Variants in ZNF808 observed in about 807,000 individuals in gnomAD.
The protein encoded by ZNF808 is zinc finger protein 808.
Under a neutral mutation model 8.7 loss-of-function variants are expected in ZNF808, and 5 were observed. The observed-to-expected ratio is 0.58, with a 90% CI of 0.30 to 1.21. The LOEUF (loss-of-function observed/expected upper bound fraction) is 1.21. Ranked by LOEUF, ZNF808 falls within the 50% of genes most tolerant of loss-of-function variation. The pLI is 0.07. For missense variants in ZNF808, 1,103 were observed against 1,098.4 expected (o/e 1.00, Z -0.06); for synonymous variants, 380 against 366.0 (o/e 1.04, Z -0.44).
At chr19:52,531,854 C>T (rs1223227609) in intron 1 of ZNF808, among the ~76,000 whole-genome samples, 1 of 151,980 alleles carries the variant, frequency 6.6e-6, no homozygotes, top group African/African-American at 2.4e-5. Flanking sequence ...GTAATTGCAC[C>T]CTCTGACACT....
At chr19:52,566,604 T>G (rs1342065657), downstream of ZNF808, among the ~76,000 whole-genome samples, 1 of 152,186 alleles carries the variant, frequency 6.6e-6, no homozygotes, top group Non-Finnish European at 1.5e-5. Flanking sequence ...ATTACTATGT[T>G]CTTGGGGCAG....
intron 3 of ZNF808, among the ~76,000 whole-genome samples, chr19:52,561,922 A>G (rs1328920230): frequency 1.3e-5 from 2 of 152,134 alleles, no homozygotes; most frequent in Non-Finnish European, 2.9e-5. Context: ...CAGGCTCTAA[A>G]CTTCCTTTGT....
downstream of ZNF808, among the ~76,000 whole-genome samples, chr19:52,560,290 C>T (rs1394984936): frequency 1.3e-5 from 2 of 151,304 alleles, no homozygotes; most frequent in African/African-American, 4.9e-5. Flanking sequence ...TGTGCCACTG[C>T]ACTCCTGCCT....
intron 2 of ZNF808, among the ~76,000 whole-genome samples, chr19:52,542,437 C>T (rs918967828): frequency 4.6e-5 from 7 of 152,158 alleles, no homozygotes; most frequent in African/African-American, 1.7e-4. Context: ...AGCTGTCCCT[C>T]TCTCTAGGAT....
intron 4 of ZNF808, 99 bp downstream of exon 4, chr19:52,547,737 T>TG (rs200633441): frequency 0.024 from 30,631 of 1,263,802 alleles, 65 homozygotes; most frequent in Non-Finnish European, 0.027. Flanking sequence ...CCATCCATGC[T>TG]GGTTTTTTTT....
In ZNF808 at chr19:52,555,343, T is replaced by G; in HGVS notation, c.2427T>G (p.His809Gln). The G allele has an allele frequency of 6.2e-7, 1 of 1,614,178 alleles. No individual in the cohort carries two copies. Among genetic ancestry groups the G allele is most frequent in the Non-Finnish European group, 8.5e-7 (1 of 1,179,996 alleles). ...TGCGTAATTCATACCTGGCAAGACA[T>G]ATTAGAATTCACACTGCAGAGAAAC... is the stretch of plus-strand genomic sequence containing the variant. ...AFVRNSYLAR[H>Q]IRIHTAEKPY... The change falls in exon 5 of 5, where the codon CAT becomes CAG. Residue 809 changes from histidine (H) to glutamine (Q), a missense_variant. Transcript: ENST00000359798.
At chr19:52,529,909 ATATT>A (rs113963458) in intron 1 of ZNF808, among the ~76,000 whole-genome samples, 9,594 of 134,040 alleles carry the variant, frequency 0.072, 332 homozygotes, top group African/African-American at 0.13. Flanking sequence ...ATATATATAT[ATATT>A]TTTTTTTTTT....
In ZNF808 at chr19:52,539,926, C is replaced by T. The variant is rs1368295493; in HGVS notation, c.-19-3340C>T. ...GTGGCAGGATCACAGCACTGTGCAG[C>T]GGCAACCTCCTGGGCTCAAGTGATT... On this transcript the variant is annotated intron_variant, in intron 2 of 4. Transcript: ENST00000359798. Among the ~76,000 whole-genome samples, 4 of 151,970 alleles carry T rather than the reference C, an allele frequency of 2.6e-5. No individual in the cohort carries two copies. The East Asian group carries it at 5.8e-4, about 22-fold the overall frequency.
In ZNF808 at chr19:52,553,429, G is replaced by C. The variant is rs767985475; in HGVS notation, c.513G>C (p.Gln171His). ...YSHLPELHIF[Q>H]IKGEIANQLE... ...ATCTGCCTGAACTCCACATATTTCAGATCAAAGGTGAAATTGCTAATCAAC... is the reference window on the plus strand; with the variant it reads ...ATCTGCCTGAACTCCACATATTTCACATCAAAGGTGAAATTGCTAATCAAC... The change falls in exon 5 of 5, where the codon CAG (glutamine) becomes CAC (histidine). Residue 171 changes from glutamine to histidine, a missense_variant. Transcript: ENST00000359798. 9 of 1,614,048 alleles carry C rather than the reference G, an allele frequency of 5.6e-6. No homozygotes were observed. The highest frequency in any genetic ancestry group is 5.3e-5 in the African/African-American group (4 of 74,918).
At chr19:52,539,562 T>TG (rs2059649891) in intron 2 of ZNF808, among the ~76,000 whole-genome samples, 1 of 142,400 alleles carries the variant, frequency 7.0e-6, no homozygotes, top group African/African-American at 2.6e-5. Context: ...TTTTTTTTTT[T>TG]TTTTTTTTTT....
chr19:52,548,982 G>GT (rs916299666), intron 4 of ZNF808, among the ~76,000 whole-genome samples: 12 of 150,994 alleles, frequency 7.9e-5, no homozygotes, highest in South Asian at 2.1e-4. Flanking sequence ...TTTTGTTTCT[G>GT]TTTTTTTTAA....
downstream of ZNF808, among the ~76,000 whole-genome samples, chr19:52,566,268 G>A (rs528279315): frequency 3.3e-5 from 5 of 151,922 alleles, no homozygotes; most frequent in South Asian, 6.2e-4. Context: ...CAGGTACTAC[G>A]GATTCTCCTG....
intron 2 of ZNF808, among the ~76,000 whole-genome samples, chr19:52,535,132 C>T (rs145897842): frequency 3.2e-3 from 479 of 151,032 alleles, no homozygotes; most frequent in Non-Finnish European, 5.6e-3. Flanking sequence ...GAGATCAAGA[C>T]CATCCTGGCT....
At chr19:52,553,010 T>C (rs1366302338) in intron 4 of ZNF808, 97 bp from the exon 5 acceptor site, 2 of 1,409,334 alleles carry the variant, frequency 1.4e-6, no homozygotes, top group Non-Finnish European at 1.9e-6. Context: ...TTTGGGAATT[T>C]CAAAATAAGT....
intron 2 of ZNF808, among the ~76,000 whole-genome samples, chr19:52,535,810 C>G (rs908542798): frequency 2.0e-5 from 3 of 152,186 alleles, no homozygotes; most frequent in Non-Finnish European, 4.4e-5. Context: ...CCTGGCCGCT[C>G]TCACCTCCAA....
chr19:52,564,862 G>A (rs1292121781), downstream of ZNF808, among the ~76,000 whole-genome samples: 3 of 152,070 alleles, frequency 2.0e-5, no homozygotes, highest in South Asian at 2.1e-4. Context: ...CGAGGCGGGC[G>A]GATCACGAGG....
chr19:52,532,682 C>T (rs1374308162), intron 1 of ZNF808, among the ~76,000 whole-genome samples: 1 of 151,976 alleles, frequency 6.6e-6, no homozygotes, highest in African/African-American at 2.4e-5. Context: ...GCCCTGTCAG[C>T]GTTTTGTCAT....
At chr19:52,531,697 A>G (rs1053320970) in intron 1 of ZNF808, among the ~76,000 whole-genome samples, 2 of 152,056 alleles carry the variant, frequency 1.3e-5, no homozygotes, top group African/African-American at 4.8e-5. Context: ...TGTTTTATAC[A>G]ATGTTTTCTG....
chr19:52,543,051 C>T (rs182753247), intron 2 of ZNF808, among the ~76,000 whole-genome samples: 7 of 151,928 alleles, frequency 4.6e-5, no homozygotes, highest in Non-Finnish European at 7.4e-5. Flanking sequence ...TCGTGTGTGG[C>T]GGCTTCTCCA....
Sources: gnomAD v4.1 joint callset for allele counts (sites outside exome capture counted in the v4.1 genomes callset) on GRCh38, gnomAD v4.1.1 for gene constraint, MANE v1.5 for transcripts, NCBI Gene and HGNC (gene_info 2026-07-23, HGNC 2026-07-21) for gene names.